Variants in ART3 observed in about 807,000 individuals in gnomAD.
ART3 encodes the protein ecto-ADP-ribosyltransferase 3.
ART3 carries 49 observed loss-of-function variants against 48.5 expected under a neutral mutation model. The observed-to-expected ratio is 1.01, with a 90% confidence interval of 0.80 to 1.28. The LOEUF (loss-of-function observed/expected upper bound fraction) is 1.28. Among genes scored for constraint, ART3 ranks in the 50% most tolerant of loss-of-function variants. The pLI is 0.00. For synonymous variants in ART3, 145 were observed against 157.2 expected (o/e 0.92, Z 0.58); for missense variants, 438 against 454.3 (o/e 0.96, Z 0.33).
intron 1 of ART3, among the ~76,000 whole-genome samples, chr4:76,054,932 T>C (rs1486743176): frequency 1.3e-5 from 2 of 152,356 alleles, no homozygotes; most frequent in East Asian, 1.9e-4. Context: ...AACATTTCTG[T>C]CAATTTTCTT....
rs969090099 is a variant in ART3 at position 76,067,381 on chromosome 4, G to A, written c.-9-8500G>A. ...TTGTGGGAGGCCCACCGAACAGGGT[G>A]AAAGGACATAGAAATTGTTTGTCTT... On this transcript the variant is annotated intron_variant, in intron 1 of 9. Transcript: ENST00000341029. Among the ~76,000 whole-genome samples the A allele has an allele frequency of 5.3e-5, 8 of 152,236 alleles. No homozygotes were observed. In the East Asian group the frequency reaches 5.8e-4, roughly 11 times the overall value.
At position 76,082,277 on chromosome 4, in the gene ART3, C is replaced by G; in HGVS notation, c.523C>G (p.Leu175Val). 1 of 1,614,204 alleles carries G rather than the reference C, an allele frequency of 6.2e-7. No individual in the cohort carries two copies. The highest frequency in any genetic ancestry group is 8.5e-7 in the Non-Finnish European group (1 of 1,180,040). Residue 175 changes from leucine (L) to valine (V), a missense_variant, in exon 3 of 12, where the codon CTA becomes GTA. Physicochemically the swap from Leu to Val is conservative, Grantham distance 32 (BLOSUM62 1). Transcript: ENST00000355810. ...SQGTSFTFGG[L>V]NQARFGHFTL... The stretch of plus-strand genomic sequence containing the variant: ...GGGCACTTCATTTACATTTGGAGGG[C>G]TAAACCAAGCCAGGTTTGGCCATTT...
chr4:76,039,592 A>C (rs573682831), intron 1 of ART3, among the ~76,000 whole-genome samples: 135 of 152,372 alleles, frequency 8.9e-4, no homozygotes, highest in African/African-American at 2.8e-3. Context: ...ATAGCATACT[A>C]ATCATAAAAA....
At chr4:76,056,528 C>A (rs926833442) in intron 1 of ART3, among the ~76,000 whole-genome samples, 1 of 152,020 alleles carries the variant, frequency 6.6e-6, no homozygotes, top group Non-Finnish European at 1.5e-5. Context: ...AAGGGGGCAG[C>A]GGGCCTGGAA....
chr4:76,097,374 TAA>T (rs199805461), intron 3 of ART3, among the ~76,000 whole-genome samples: 1 of 147,262 alleles, frequency 6.8e-6, no homozygotes, highest in African/African-American at 2.5e-5. Flanking sequence ...CTGGCTAATT[TAA>T]AAAAAAAAAT....
intron 11 of ART3, among the ~76,000 whole-genome samples, chr4:76,110,716 A>G (rs1388617481): frequency 6.6e-6 from 1 of 152,202 alleles, no homozygotes; most frequent in Non-Finnish European, 1.5e-5. Context: ...TGAACAACAC[A>G]GGTTTGAACT....
At chr4:76,048,622 C>T (rs1160579260) in intron 1 of ART3, among the ~76,000 whole-genome samples, 2 of 152,022 alleles carry the variant, frequency 1.3e-5, no homozygotes, top group Non-Finnish European at 2.9e-5. Flanking sequence ...GAACCCGCAA[C>T]AGTCTCTGGA....
chr4:76,067,367 C>G (rs991822737), intron 1 of ART3, among the ~76,000 whole-genome samples: 1 of 152,110 alleles, frequency 6.6e-6, no homozygotes, highest in Non-Finnish European at 1.5e-5. Flanking sequence ...TGTGGGAGGC[C>G]CACCGAACAG....
upstream of ART3, among the ~76,000 whole-genome samples, chr4:76,073,896 C>A (rs6532170): frequency 6.6e-6 from 1 of 152,008 alleles, no homozygotes; most frequent in Admixed American, 6.5e-5. Flanking sequence ...GTTTTCATTG[C>A]TATATAAAAT....
intron 3 of ART3, among the ~76,000 whole-genome samples, chr4:76,086,064 C>G (rs1578490086): frequency 6.8e-6 from 1 of 147,608 alleles, no homozygotes; most frequent in African/African-American, 2.6e-5. Flanking sequence ...AAGAGTCCCC[C>G]CCCCCGCTCC....
At chr4:76,078,620 G>A (rs939778358) in intron 2 of ART3, among the ~76,000 whole-genome samples, 3 of 151,190 alleles carry the variant, frequency 2.0e-5, no homozygotes, top group African/African-American at 7.3e-5. Context: ...TCTGAAGCTG[G>A]CACAATTCCC....
chr4:76,054,048 CAAGCGACT>C (rs1736386576), intron 1 of ART3, among the ~76,000 whole-genome samples: 1 of 152,188 alleles, frequency 6.6e-6, no homozygotes, highest in African/African-American at 2.4e-5. Context: ...AGCAACTTTA[CAAGCGACT>C]AACTGAAGGA....
intron 11 of ART3, 110 bp downstream of exon 11, chr4:76,107,903 G>C (rs762288442): frequency 2.3e-6 from 2 of 863,946 alleles, no homozygotes; most frequent in Non-Finnish European, 3.5e-6. Context: ...AGGTTTTAAG[G>C]CATCTTAATA....
At chr4:76,081,750 G>A (rs933980950) in intron 2 of ART3, 74 bp from the exon 3 acceptor site, 2 of 1,462,834 alleles carry the variant, frequency 1.4e-6, no homozygotes, top group Admixed American at 3.9e-5. Context: ...AGAAGGTGGG[G>A]GTAATAATGT....
chr4:76,056,596 G>T (rs1056597813), intron 1 of ART3, among the ~76,000 whole-genome samples: 6 of 152,148 alleles, frequency 3.9e-5, no homozygotes, highest in Admixed American at 3.3e-4. Context: ...GGATGGGTTG[G>T]GGGTGGACAG....
chr4:76,045,717 C>T (rs1172527882), intron 1 of ART3, among the ~76,000 whole-genome samples: 1 of 151,984 alleles, frequency 6.6e-6, no homozygotes, highest in East Asian at 1.9e-4. Context: ...GTTTCTGCCT[C>T]TGGTTCCCTT....
chr4:76,076,731 T>G (rs1721169363), intron 2 of ART3, among the ~76,000 whole-genome samples: 1 of 152,246 alleles, frequency 6.6e-6, no homozygotes, highest in African/African-American at 2.4e-5. Context: ...TTTTAATTAA[T>G]GACCATTTTC....
At chr4:76,104,986 A>G (rs995770705) in intron 10 of ART3, among the ~76,000 whole-genome samples, 1 of 152,208 alleles carries the variant, frequency 6.6e-6, no homozygotes, top group East Asian at 1.9e-4. Flanking sequence ...GCTGCTGTCA[A>G]TGGAAGCTGC....
intron 1 of ART3, among the ~76,000 whole-genome samples, chr4:76,052,917 C>T (rs963988785): frequency 3.3e-5 from 5 of 151,810 alleles, no homozygotes; most frequent in Admixed American, 1.3e-4. Context: ...TTAGTAGAGA[C>T]GGGGTTTCAC....
Sources: gnomAD v4.1 joint callset for allele counts (sites outside exome capture counted in the v4.1 genomes callset) on GRCh38, gnomAD v4.1.1 for gene constraint, MANE v1.5 for transcripts, NCBI Gene and HGNC (gene_info 2026-07-23, HGNC 2026-07-21) for gene names.